The following TBKBP1 variants were observed in gnomAD, a reference collection of about 807,000 sequenced individuals.
TBKBP1 encodes the protein TANK-binding kinase 1-binding protein 1.
A neutral mutation model predicts 69.9 loss-of-function variants in TBKBP1; 47 were observed. The observed-to-expected ratio is 0.67, with a 90% CI of 0.53 to 0.86. TBKBP1 has a LOEUF of 0.86. Among genes scored for constraint, TBKBP1 ranks in the 40% least tolerant of loss-of-function variants. The pLI is 0.00. For synonymous variants in TBKBP1, 418 were observed against 390.3 expected (o/e 1.07, Z -0.84); for missense variants, 831 against 858.6 (o/e 0.97, Z 0.40).
chr17:47,703,742 T>A (rs985794439), intron 7 of TBKBP1, among the ~76,000 whole-genome samples: 2 of 147,216 alleles, frequency 1.4e-5, no homozygotes, highest in African/African-American at 5.0e-5. Context: ...CCCCTGAAAT[T>A]TTTTTTTTTT....
chr17:47,703,514 G>A (rs913384825), intron 7 of TBKBP1, among the ~76,000 whole-genome samples: 16 of 152,202 alleles, frequency 1.1e-4, no homozygotes, highest in Non-Finnish European at 1.2e-4. Flanking sequence ...AGCCTCGGGG[G>A]CTCCCAGAGG....
chr17:47,696,633 G>A (rs1567903298), intron 2 of TBKBP1, 78 bp from the exon 3 acceptor site: 4 of 1,604,742 alleles, frequency 2.5e-6, no homozygotes, highest in Admixed American at 1.7e-5. Flanking sequence ...GCAGGTTGTG[G>A]GTTGGGGGCA....
chr17:47,705,667 G>A (rs979175379), intron 7 of TBKBP1, among the ~76,000 whole-genome samples: 5 of 152,270 alleles, frequency 3.3e-5, no homozygotes, highest in African/African-American at 1.2e-4. Flanking sequence ...GTGTTGTGAA[G>A]TTGAGATTTT....
chr17:47,707,207 A>G (rs1168618596), intron 7 of TBKBP1, among the ~76,000 whole-genome samples: 1 of 152,260 alleles, frequency 6.6e-6, no homozygotes, highest in Non-Finnish European at 1.5e-5. Flanking sequence ...GGCAGGGCCC[A>G]AGGGCATGGC....
At chr17:47,703,854 A>G (rs2143316595) in intron 7 of TBKBP1, among the ~76,000 whole-genome samples, 1 of 152,292 alleles carries the variant, frequency 6.6e-6, no homozygotes, top group Non-Finnish European at 1.5e-5. Flanking sequence ...AGATGAGCAA[A>G]CTGAGGTGCA....
At chr17:47,700,819 C>T (rs2031472467) in intron 7 of TBKBP1, among the ~76,000 whole-genome samples, 1 of 152,084 alleles carries the variant, frequency 6.6e-6, no homozygotes, top group Non-Finnish European at 1.5e-5. Flanking sequence ...GGGCCCAGTG[C>T]TGGGGCCTCC....
At chr17:47,696,996 C>A in intron 3 of TBKBP1, 93 bp from the exon 4 acceptor site, 1 of 1,514,678 alleles carries the variant, frequency 6.6e-7, no homozygotes, top group South Asian at 1.2e-5. Flanking sequence ...CCATAGGGTG[C>A]TGGGAGTGGG....
Position 47,708,822 on chromosome 17 carries a change from C to T in TBKBP1, c.1089C>T (p.Cys363=). 2 of 1,149,918 alleles carry T rather than the reference C, an allele frequency of 1.7e-6. No homozygotes were observed. Among genetic ancestry groups the T allele is most frequent in the Non-Finnish European group, 1.2e-6 (1 of 840,318 alleles). 71.2% of individuals were successfully genotyped at this position (1,149,918 alleles called of 1,614,324 possible). Residue 363 remains cysteine (C), a synonymous_variant, in exon 9 of 10, where the codon TGC becomes TGT. Coordinates refer to ENST00000578982, the MANE Select transcript of TBKBP1 (RefSeq NM_001394755.1). This position sits in a 1 kb window ranked among gnomAD's most constrained non-coding sequence, Gnocchi z 4.4. The part of the protein sequence containing the change: ...PARAAPPCPP[C]QSPVPQRRSP... ...GAGCGGCTCCCCCGTGCCCCCCGTG[C>T]CAGTCCCCCGTCCCCCAGCGCCGCT...
At position 47,708,197 on chromosome 17, in the gene TBKBP1, G is replaced by A. The variant is rs1293243906; in HGVS notation, c.873-197G>A. Among the ~76,000 whole-genome samples the A allele has an allele frequency of 6.6e-6, 1 of 152,234 alleles. No homozygotes were observed. Among genetic ancestry groups the A allele is most frequent in the Admixed American group, 6.5e-5 (1 of 15,284 alleles). On this transcript the variant is annotated intron_variant, in intron 7 of 9. Coordinates refer to ENST00000578982, the MANE Select transcript of TBKBP1 (RefSeq NM_001394755.1). This position sits in a 1 kb window ranked among gnomAD's most constrained non-coding sequence, Gnocchi z 4.4. Reference sequence around the variant, plus strand: ...CAGGGAATGGGTCTCAGGATGCAGAGGGAGTCTCCCTGGAAGAGGTGGCTT... The same window carrying A: ...CAGGGAATGGGTCTCAGGATGCAGAAGGAGTCTCCCTGGAAGAGGTGGCTT...
chr17:47,707,097 C>T (rs562034692), intron 7 of TBKBP1, among the ~76,000 whole-genome samples: 138 of 152,302 alleles, frequency 9.1e-4, no homozygotes, highest in African/African-American at 3.2e-3. Flanking sequence ...CTAAGTTCCC[C>T]GAGTCCCTTC....
At chr17:47,694,974 T>A (rs1597951650) in intron 1 of TBKBP1, among the ~76,000 whole-genome samples, 2 of 151,850 alleles carry the variant, frequency 1.3e-5, no homozygotes, top group East Asian at 3.9e-4. Context: ...CCCCGCTGTC[T>A]GAACTCACAG....
In TBKBP1 at chr17:47,708,946, T is replaced by C; in HGVS notation, c.1213T>C (p.Ser405Pro). 2 of 1,234,816 alleles carry C rather than the reference T, an allele frequency of 1.6e-6. No homozygotes were observed. The highest frequency in any genetic ancestry group is 1.8e-5 in the South Asian group (1 of 54,692). The allele number at this position is 1,234,816 out of a possible 1,614,324, so 76.5% of individuals were successfully genotyped here. The change falls in exon 9 of 10, where the codon TCG (serine) becomes CCG (proline). Residue 405 changes from serine (S) to proline (P), a missense_variant. Physicochemically the swap from Ser to Pro is moderately conservative, Grantham distance 74. Coordinates refer to ENST00000578982, the MANE Select transcript of TBKBP1 (RefSeq NM_001394755.1). This position sits in a 1 kb window ranked among gnomAD's most constrained non-coding sequence, Gnocchi z 4.4. ...VPQRRSPVPP[S>P]CQSPSPQRRS... ...GCAGCGCCGCTCGCCGGTGCCGCCG[T>C]CGTGCCAGTCCCCCAGCCCGCAGCG...
At chr17:47,705,068 C>A (rs2031649905) in intron 7 of TBKBP1, among the ~76,000 whole-genome samples, 1 of 152,216 alleles carries the variant, frequency 6.6e-6, no homozygotes, top group Non-Finnish European at 1.5e-5. Context: ...CTTCCTATCA[C>A]CCCCAGGGAA....
intron 7 of TBKBP1, among the ~76,000 whole-genome samples, chr17:47,702,540 C>G (rs138995681): frequency 2.5e-3 from 387 of 152,116 alleles, no homozygotes; most frequent in Non-Finnish European, 4.6e-3. Flanking sequence ...TTCTCTGGAT[C>G]CTAGCCCCAG....
In TBKBP1 at chr17:47,700,289, CTTTTTTTT is replaced by C. The variant is rs774797034; in HGVS notation, c.872+612_872+619del. 7.7e-4 allele frequency among the ~76,000 whole-genome samples: 32 copies of C among 41,464 alleles called. 1 individual carries two copies. The highest frequency in any genetic ancestry group is 1.2e-3 in the African/African-American group (9 of 7,292). 27.2% of individuals were successfully genotyped at this position (41,464 alleles called of 152,430 possible). A position where few individuals can be genotyped will look rare whatever the true frequency, so the allele number is the denominator to read the frequency against. The stretch of plus-strand genomic sequence containing the variant: ...TAGGAGTGAGCCACTGCGCCCGGAC[CTTTTTTTT>C]TTTTTTTTTTTTTTTTTTTGGATTT... On this transcript the variant is annotated intron_variant, in intron 7 of 9. Coordinates refer to ENST00000578982, the MANE Select transcript of TBKBP1 (RefSeq NM_001394755.1).
In TBKBP1 at chr17:47,708,771, GTGCCCCTCCCCCTCCCCGCC is replaced by G; in HGVS notation, c.1044_1063del (p.Pro350GlyfsTer108). The stretch of plus-strand genomic sequence containing the variant: ...CACAACGCCACTCCCCGGCCCCCCA[GTGCCCCTCCCCCTCCCCGCC>G]TGCCCGAGCGGCTCCCCCGTGCCCC... On this transcript the variant is annotated frameshift_variant, in exon 9 of 10. Coordinates refer to ENST00000578982, the MANE Select transcript of TBKBP1 (RefSeq NM_001394755.1). LOFTEE classifies it high-confidence loss of function. The surrounding 1 kb of genome is among the most constrained non-coding windows in gnomAD (Gnocchi z 4.4). The G allele has an allele frequency of 4.8e-6, 2 of 415,566 alleles. No homozygotes were observed. Among genetic ancestry groups the G allele is most frequent in the Non-Finnish European group, 7.4e-6 (2 of 268,498 alleles). The allele number at this position is 415,566 out of a possible 1,614,324, so 25.7% of individuals were successfully genotyped here.
rs1203188987 is a variant in TBKBP1, at chr17:47,708,505, G to C, written c.984G>C (p.Arg328=). 2 of 1,613,758 alleles carry C rather than the reference G, an allele frequency of 1.2e-6. No individual in the cohort carries two copies. Among genetic ancestry groups the C allele is most frequent in the East Asian group, 2.2e-5 (1 of 44,880 alleles). The change falls in exon 8 of 10, where the codon CGG becomes CGC. Residue 328 remains arginine, a synonymous_variant. Coordinates refer to ENST00000578982, the MANE Select transcript of TBKBP1 (RefSeq NM_001394755.1). This position sits in a 1 kb window ranked among gnomAD's most constrained non-coding sequence, Gnocchi z 4.4. ...ILRTLLQEQA[R]SGGQRHSPLS... ...GGACTCTGTTGCAGGAACAGGCCCG[G>C]AGTGGCGGTGAGATGGGGCAGGGCA...
intron 7 of TBKBP1, among the ~76,000 whole-genome samples, chr17:47,701,370 C>CAG (rs1032953135): frequency 1.3e-5 from 2 of 151,478 alleles, no homozygotes; most frequent in Admixed American, 1.3e-4. Flanking sequence ...CACACACACA[C>CAG]ACACACACTC....
At position 47,696,832 on chromosome 17, in the gene TBKBP1, A is replaced by C; in HGVS notation, c.347A>C (p.Glu116Ala). The C allele has an allele frequency of 6.2e-7, 1 of 1,613,584 alleles. No homozygotes were observed. Among genetic ancestry groups the C allele is most frequent in the South Asian group, 1.1e-5 (1 of 91,068 alleles). Residue 116 changes from glutamate to alanine, a missense_variant and splice_region_variant, in exon 3 of 10, where the codon GAG becomes GCG. Coordinates refer to ENST00000578982, the MANE Select transcript of TBKBP1 (RefSeq NM_001394755.1). ...LQQRLNQFQH[E>A]LQKNKEQEEQ... Reference sequence around the variant, plus strand: ...CAACGGCTCAACCAGTTCCAGCATGAGGTGAGCCTACCAGGCTGGGCGCAC... The same window carrying C: ...CAACGGCTCAACCAGTTCCAGCATGCGGTGAGCCTACCAGGCTGGGCGCAC...
Sources: allele counts gnomAD v4.1 joint callset (sites outside exome capture counted in the v4.1 genomes callset), GRCh38; gene constraint gnomAD v4.1.1; non-coding constraint Gnocchi (gnomAD v3.1); transcripts MANE v1.5; gene names NCBI Gene and HGNC (gene_info 2026-07-23, HGNC 2026-07-21).